COL24A1: variants seen among roughly 807,000 people sequenced by gnomAD.
COL24A1 encodes collagen alpha-1(XXIV) chain.
In COL24A1, 224 loss-of-function variants were observed where a neutral mutation model predicts 253.9. That is an observed-to-expected ratio of 0.88 (90% CI 0.79 to 0.99). COL24A1 has a LOEUF of 0.99. Ranked by LOEUF, COL24A1 falls within the 50% of genes least tolerant of loss-of-function variation. The pLI, the probability that COL24A1 is intolerant of heterozygous loss-of-function variation, is 0.00. For missense variants in COL24A1, 2,131 were observed against 2,068.5 expected (o/e 1.03, Z -0.59); for synonymous variants, 685 against 673.7 (o/e 1.02, Z -0.26).
chr1:86,019,224 G>A (rs1697265547), intron 18 of COL24A1, among the ~76,000 whole-genome samples: 2 of 152,046 alleles, frequency 1.3e-5, no homozygotes, highest in Admixed American at 1.3e-4. Context: ...TCTATAAGAA[G>A]GAAAGGTTTC....
At chr1:86,077,112 C>T (rs1328322690) in intron 7 of COL24A1, among the ~76,000 whole-genome samples, 2 of 152,152 alleles carry the variant, frequency 1.3e-5, no homozygotes, top group African/African-American at 4.8e-5. Flanking sequence ...GGGCTAATAT[C>T]CAGAATCTAC....
At chr1:85,847,493 G>A (rs192325507) in intron 39 of COL24A1, among the ~76,000 whole-genome samples, 172 bp downstream of exon 39, 7 of 151,846 alleles carry the variant, frequency 4.6e-5, no homozygotes, top group East Asian at 1.9e-4. Context: ...CCACTAAGCC[G>A]TTTAAGTACT....
intron 19 of COL24A1, among the ~76,000 whole-genome samples, chr1:85,990,113 G>A (rs895000256): frequency 2.0e-5 from 3 of 152,024 alleles, no homozygotes; most frequent in Non-Finnish European, 4.4e-5. Flanking sequence ...TTGAATGACT[G>A]GTTTGTTTTT....
At chr1:85,919,991 C>T (rs1363235073) in intron 24 of COL24A1, among the ~76,000 whole-genome samples, 3 of 152,014 alleles carry the variant, frequency 2.0e-5, no homozygotes, top group Non-Finnish European at 4.4e-5. Context: ...AGTACAGTTG[C>T]AAATCAATTT....
chr1:85,987,035 T>G (rs1693777216), intron 20 of COL24A1, among the ~76,000 whole-genome samples: 1 of 151,914 alleles, frequency 6.6e-6, no homozygotes, highest in African/African-American at 2.4e-5. Flanking sequence ...AAATCTGTGC[T>G]GGGAAAAGGC....
intron 22 of COL24A1, 86 bp downstream of exon 22, chr1:85,970,141 T>G (rs1230301429): frequency 8.2e-7 from 1 of 1,213,150 alleles, no homozygotes; most frequent in Non-Finnish European, 1.1e-6. Flanking sequence ...TTTACTATAA[T>G]GTAAAATGTT....
intron 53 of COL24A1, among the ~76,000 whole-genome samples, chr1:85,773,262 G>T (rs564197625): frequency 2.0e-5 from 3 of 152,230 alleles, no homozygotes; most frequent in Admixed American, 2.0e-4. Context: ...ATGCTGTTTT[G>T]GTTACTACCG....
At chr1:85,741,454 T>A (rs1664635711) in intron 57 of COL24A1, among the ~76,000 whole-genome samples, 1 of 152,218 alleles carries the variant, frequency 6.6e-6, no homozygotes, top group African/African-American at 2.4e-5. Flanking sequence ...GTTTGGGATT[T>A]TCTGAGCTAT....
rs1663875198 is a variant in COL24A1 at position 85,734,828 on chromosome 1, A to G, written c.4919T>C (p.Ile1640Thr). 1.9e-6 allele frequency: 3 copies of G among 1,614,208 alleles called. No individual in the cohort carries two copies. The highest frequency in any genetic ancestry group is 2.2e-5 in the South Asian group (2 of 91,082). Residue 1640 changes from isoleucine to threonine, a missense_variant, in exon 59 of 60, where the codon ATT becomes ACT. Physicochemically the swap from Ile to Thr is moderately conservative, Grantham distance 89 (BLOSUM62 -1). Transcript: ENST00000370571. ...CTGGCCATTCCATCCCTTGAAACCA[A>G]TAGGCAATCCTGGGCCACTTGTTTG... ...STQTSGPGLP[I>T]GFKGWNGQIF... is the part of the protein sequence containing the mutation.
At chr1:86,127,506 T>C (rs1256581365) in intron 2 of COL24A1, among the ~76,000 whole-genome samples, 2 of 152,052 alleles carry the variant, frequency 1.3e-5, no homozygotes, top group Admixed American at 1.3e-4. Context: ...TCTGGAGTCA[T>C]ATAAATTTAA....
chr1:85,818,027 T>TA lies in COL24A1; in HGVS notation c.3843+6dup. On this transcript the variant is annotated splice_region_variant and intron_variant, in intron 46 of 59. Transcript: ENST00000370571. ...AGCAAGAAAGATGAAAGAGGCCTGT[T>TA]ACTTACAGGAATCCCAGGTTTCCCA... The TA allele has an allele frequency of 6.2e-7, 1 of 1,612,826 alleles. No individual in the cohort carries two copies.
chr1:85,829,457 T>C (rs969486687), intron 43 of COL24A1, among the ~76,000 whole-genome samples: 2 of 151,748 alleles, frequency 1.3e-5, no homozygotes, highest in Non-Finnish European at 2.9e-5. Flanking sequence ...TTCCTGAATC[T>C]GAATGTTGGC....
intron 1 of COL24A1, among the ~76,000 whole-genome samples, chr1:86,148,246 G>A (rs1652187501): frequency 6.6e-6 from 1 of 152,032 alleles, no homozygotes; most frequent in African/African-American, 2.4e-5. Context: ...GTGCAGTGGA[G>A]CGATCTCAGC....
chr1:86,085,577 T>C (rs1271432195), intron 7 of COL24A1, among the ~76,000 whole-genome samples: 1 of 152,200 alleles, frequency 6.6e-6, no homozygotes, highest in Non-Finnish European at 1.5e-5. Context: ...CATTCTAATA[T>C]AGCAACTGAT....
chr1:86,082,585 A>G (rs1343642112), intron 7 of COL24A1, among the ~76,000 whole-genome samples: 2 of 149,382 alleles, frequency 1.3e-5, no homozygotes, highest in African/African-American at 4.9e-5. Flanking sequence ...TTGCCATAGC[A>G]TAATTTATTT....
At position 85,903,667 on chromosome 1, in the gene COL24A1, T is replaced by C. The variant is rs139224062; in HGVS notation, c.2778+3527A>G. Among the ~76,000 whole-genome samples, 163 of 152,294 alleles carry C rather than the reference T, an allele frequency of 1.1e-3. 1 individual carries two copies. Among genetic ancestry groups the C allele is most frequent in the African/African-American group, 3.7e-3 (153 of 41,584 alleles). On this transcript the variant is annotated intron_variant, in intron 28 of 59. Transcript: ENST00000370571. ...TCTCATAGCAGAAATAAAAATTTGA[T>C]AGCTTAGCTACATAAACTAAGCATG...
At chr1:85,777,590 AT>A (rs577669751) in intron 52 of COL24A1, among the ~76,000 whole-genome samples, 12 of 151,968 alleles carry the variant, frequency 7.9e-5, no homozygotes, top group African/African-American at 2.9e-4. Context: ...CGTAATTTCA[AT>A]TTTTTTTCCA....
At chr1:85,863,548 A>C (rs1465678339) in intron 37 of COL24A1, among the ~76,000 whole-genome samples, 2 of 152,214 alleles carry the variant, frequency 1.3e-5, no homozygotes, top group Non-Finnish European at 2.9e-5. Flanking sequence ...AAAATTGACA[A>C]ATGGGATCTA....
intron 20 of COL24A1, among the ~76,000 whole-genome samples, chr1:85,985,195 A>G (rs1408298457): frequency 1.3e-5 from 2 of 151,854 alleles, no homozygotes; most frequent in African/African-American, 4.8e-5. Context: ...AGGAACAGAA[A>G]AAGCTTCCTG....
Sources: allele counts gnomAD v4.1 joint callset (sites outside exome capture counted in the v4.1 genomes callset), GRCh38; gene constraint gnomAD v4.1.1; transcripts MANE v1.5; gene names NCBI Gene and HGNC (gene_info 2026-07-23, HGNC 2026-07-21).